Variants in SLIT2 observed in about 807,000 individuals in gnomAD.
The protein encoded by SLIT2 is slit homolog 2 protein.
A neutral mutation model predicts 185.7 loss-of-function variants in SLIT2; 41 were observed. The observed-to-expected ratio is 0.22, with a 90% CI of 0.17 to 0.29. The LOEUF is 0.29. Among genes scored for constraint, SLIT2 ranks in the 10% least tolerant of loss-of-function variants. SLIT2 has a pLI of 1.00. For synonymous variants in SLIT2, 693 were observed against 680.2 expected, an observed-to-expected ratio of 1.02 and a Z score of -0.29; for missense variants, 1,571 against 1,909.0, an observed-to-expected ratio of 0.82 and a Z score of 3.30.
intron 30 of SLIT2, 112 bp from the exon 31 acceptor site, chr4:20,595,585 G>T: frequency 2.2e-6 from 3 of 1,345,936 alleles, no homozygotes; most frequent in Non-Finnish European, 3.1e-6. Context: ...GGCTCTATGA[G>T]CCTATTCTAA....
rs565085503 is a variant in SLIT2, at chr4:20,600,953, A to G, written c.3692+2558A>G. ...ATTATTTTTATATTGAGAAAATAATATAAGAAAAAAGGAAGAAAGAAAGGA... is the reference window on the plus strand; with the variant it reads ...ATTATTTTTATATTGAGAAAATAATGTAAGAAAAAAGGAAGAAAGAAAGGA... On this transcript the variant is annotated intron_variant, in intron 33 of 36. Coordinates refer to ENST00000504154, the MANE Select transcript of SLIT2 (RefSeq NM_004787.4). Among the ~76,000 whole-genome samples, 305 of 151,742 alleles carry G rather than the reference A, an allele frequency of 2.0e-3. 2 individuals carry two copies. The highest frequency in any genetic ancestry group is 3.7e-3 in the Non-Finnish European group (252 of 67,888).
chr4:20,536,729 CACTT>C (rs1228327013), intron 18 of SLIT2, among the ~76,000 whole-genome samples: 4 of 151,534 alleles, frequency 2.6e-5, no homozygotes, highest in Non-Finnish European at 5.9e-5. Context: ...TTTGTAATAA[CACTT>C]AGCTTAAACA....
At chr4:20,507,521 T>C (rs1414283001) in intron 9 of SLIT2, among the ~76,000 whole-genome samples, 1 of 151,874 alleles carries the variant, frequency 6.6e-6, no homozygotes, top group Non-Finnish European at 1.5e-5. Flanking sequence ...GAAATTCATT[T>C]TGAAATCTAA....
chr4:20,442,997 G>A (rs536357863), intron 4 of SLIT2, among the ~76,000 whole-genome samples: 3 of 152,176 alleles, frequency 2.0e-5, no homozygotes, highest in East Asian at 1.9e-4. Context: ...TAAAAGTGAC[G>A]AGAATAAGTC....
chr4:20,562,157 T>A (rs554717255), intron 26 of SLIT2, among the ~76,000 whole-genome samples: 1 of 151,824 alleles, frequency 6.6e-6, no homozygotes, highest in Non-Finnish European at 1.5e-5. Context: ...TCTCCACCCC[T>A]CCACTGAAAC....
intron 29 of SLIT2, among the ~76,000 whole-genome samples, chr4:20,571,973 T>C (rs1725647570): frequency 6.6e-6 from 1 of 152,210 alleles, no homozygotes; most frequent in African/African-American, 2.4e-5. Context: ...GAAGTTATGA[T>C]GTGATGAACA....
chr4:20,486,150 T>C, intron 6 of SLIT2, 50 bp from the exon 7 acceptor site: 1 of 1,096,578 alleles, frequency 9.1e-7, no homozygotes, highest in South Asian at 1.3e-5. Flanking sequence ...TATAAAATGA[T>C]CAATCAATTT....
intron 4 of SLIT2, among the ~76,000 whole-genome samples, chr4:20,447,141 C>G (rs189645337): frequency 6.6e-6 from 1 of 152,332 alleles, no homozygotes; most frequent in East Asian, 1.9e-4. Flanking sequence ...AACATCAACC[C>G]TCTTCCTTGT....
At chr4:20,256,130 G>A (rs1254821196) in intron 1 of SLIT2, among the ~76,000 whole-genome samples, 1 of 152,202 alleles carries the variant, frequency 6.6e-6, no homozygotes, top group Non-Finnish European at 1.5e-5. Context: ...AGAATTGTTG[G>A]AAGGTAAATG....
Position 20,594,152 on chromosome 4 carries a change from CATATGTATGTGTGTATATATGTAT to C in SLIT2, c.3183-1544_3183-1521del, listed in dbSNP as rs1426556181. Among the ~76,000 whole-genome samples the C allele has an allele frequency of 4.2e-4, 62 of 147,524 alleles. 1 individual carries two copies. The highest frequency in any genetic ancestry group is 1.5e-3 in the African/African-American group (61 of 40,306). ...ATATATATACATATATACACACATA[CATATGTATGTGTGTATATATGTAT>C]GTACATGTGTGTATATACATATGTA... is the stretch of plus-strand genomic sequence containing the variant. On this transcript the variant is annotated intron_variant, in intron 30 of 36. Transcript: ENST00000504154.
chr4:20,291,480 ATATATATATATATTTTTTTTTTTTTTT>A (rs1174588991), intron 4 of SLIT2, among the ~76,000 whole-genome samples: 449 of 13,796 alleles, frequency 0.033, 1 homozygote, highest in Admixed American at 0.046. Flanking sequence ...ATATATATAT[ATATATATATATATTTTTTTTTTTTTTT>A]TTTTTTTTTT....
intron 4 of SLIT2, among the ~76,000 whole-genome samples, chr4:20,326,089 A>G (rs1719562672): frequency 6.6e-6 from 1 of 152,118 alleles, no homozygotes; most frequent in Non-Finnish European, 1.5e-5. Context: ...GCCCTTAAAA[A>G]ATCTGTTTTG....
chr4:20,583,787 C>T (rs988538200), intron 29 of SLIT2, among the ~76,000 whole-genome samples: 14 of 151,164 alleles, frequency 9.3e-5, no homozygotes, highest in East Asian at 1.9e-4. Flanking sequence ...CCAGCCTGGG[C>T]GACAGAATGA....
At chr4:20,610,723 A>G (rs1416561047) in intron 34 of SLIT2, among the ~76,000 whole-genome samples, 2 of 152,200 alleles carry the variant, frequency 1.3e-5, no homozygotes, top group Non-Finnish European at 2.9e-5. Context: ...ATGAATGAAC[A>G]AATTAAATGT....
At chr4:20,478,864 T>C (rs539770543) in intron 5 of SLIT2, among the ~76,000 whole-genome samples, 1 of 152,302 alleles carries the variant, frequency 6.6e-6, no homozygotes, top group South Asian at 2.1e-4. Flanking sequence ...ACTTAATTGT[T>C]AAATGAATTT....
At chr4:20,278,658 A>C (rs1452036778) in intron 4 of SLIT2, among the ~76,000 whole-genome samples, 1 of 152,150 alleles carries the variant, frequency 6.6e-6, no homozygotes, top group African/African-American at 2.4e-5. Flanking sequence ...AAAAAAACAC[A>C]AAACATTGTC....
intron 4 of SLIT2, among the ~76,000 whole-genome samples, chr4:20,465,116 T>G (rs9998254): frequency 6.6e-6 from 1 of 152,078 alleles, no homozygotes; most frequent in Non-Finnish European, 1.5e-5. Context: ...GGGAAAAGCC[T>G]TCTAAATTTC....
Position 20,252,098 on chromosome 4 carries a change from C to A in SLIT2, c.-1718C>A, listed in dbSNP as rs896105955. On this transcript the variant is annotated 5_prime_UTR_variant, in exon 1 of 37. Transcript: ENST00000504154. ...AAGCTGCCGCGCTTTCTGGGCACGG[C>A]GGGAGTGCTGAGCAGAAAGGGGAGC... 6.6e-6 allele frequency among the ~76,000 whole-genome samples: 1 copy of A among 152,048 alleles called. No individual in the cohort carries two copies. Among genetic ancestry groups the A allele is most frequent in the African/African-American group, 2.4e-5 (1 of 41,418 alleles).
At position 20,399,757 on chromosome 4, in the gene SLIT2, G is replaced by T. The variant is rs1039460353; in HGVS notation, c.396-67995G>T. On this transcript the variant is annotated intron_variant, in intron 4 of 36. Transcript: ENST00000504154. ...CAGTGATATTACACTATGTAAGAGGGTGTCTCTCCTAGAACTTTATCACAC... is the reference window on the plus strand; with the variant it reads ...CAGTGATATTACACTATGTAAGAGGTTGTCTCTCCTAGAACTTTATCACAC... Among the ~76,000 whole-genome samples, 4 of 151,702 alleles carry T rather than the reference G, an allele frequency of 2.6e-5. No individual in the cohort carries two copies. The South Asian group carries it at 6.2e-4, about 24-fold the overall frequency.
Sources: gnomAD v4.1 joint callset for allele counts (sites outside exome capture counted in the v4.1 genomes callset) on GRCh38, gnomAD v4.1.1 for gene constraint, MANE v1.5 for transcripts, NCBI Gene and HGNC (gene_info 2026-07-23, HGNC 2026-07-21) for gene names.